VAV1: variants seen among roughly 807,000 people sequenced by gnomAD.
VAV1 encodes the protein proto-oncogene vav.
VAV1 carries 33 observed loss-of-function variants against 128.1 expected under a neutral mutation model. The observed-to-expected ratio is 0.26, with a 90% CI of 0.20 to 0.34. VAV1 has a LOEUF of 0.34. Among genes scored for constraint, VAV1 ranks in the 10% least tolerant of loss-of-function variants. The pLI is 1.00. For missense variants in VAV1, 715 were observed against 1,093.7 expected (o/e 0.65, Z 4.88); for synonymous variants, 394 against 409.8 (o/e 0.96, Z 0.47).
At chr19:6,774,767 T>C (rs1970585878) in intron 1 of VAV1, among the ~76,000 whole-genome samples, 1 of 150,918 alleles carries the variant, frequency 6.6e-6, no homozygotes, top group Non-Finnish European at 1.5e-5. Context: ...TTATCTTTTA[T>C]TTTTTGAGAT....
At chr19:6,853,262 T>C (rs867731756) in intron 25 of VAV1, among the ~76,000 whole-genome samples, 183 bp downstream of exon 25, 2 of 150,826 alleles carry the variant, frequency 1.3e-5, no homozygotes, top group Middle Eastern at 3.4e-3. Context: ...TATAATTTAA[T>C]TAATTAATTT....
At chr19:6,845,376 C>T (rs568553011) in intron 22 of VAV1, among the ~76,000 whole-genome samples, 45 of 152,146 alleles carry the variant, frequency 3.0e-4, no homozygotes, top group African/African-American at 1.1e-3. Flanking sequence ...CAGAGCGAGA[C>T]TCGGTCTCAA....
chr19:6,814,852 C>A (rs573397779), intron 1 of VAV1, among the ~76,000 whole-genome samples: 1 of 151,684 alleles, frequency 6.6e-6, no homozygotes, highest in East Asian at 1.9e-4. Flanking sequence ...TTTTCAACAT[C>A]TCATTATTAA....
rs766111380 is a variant in VAV1, at chr19:6,825,126, G to A, written c.723+5G>A. The A allele has an allele frequency of 3.7e-6, 6 of 1,611,166 alleles. No homozygotes were observed. The African/African-American group carries it at 5.3e-5, about 14-fold the overall frequency. The stretch of plus-strand genomic sequence containing the variant: ...ATCATCTTTATCAACATTGAGGTGA[G>A]CCGGCCGATCCCCAGCCCTCTTGGG... On this transcript the variant is annotated splice_donor_5th_base_variant and intron_variant, in intron 7 of 26. Transcript: ENST00000602142.
At chr19:6,802,450 G>A (rs1381490656) in intron 1 of VAV1, among the ~76,000 whole-genome samples, 2 of 152,128 alleles carry the variant, frequency 1.3e-5, no homozygotes, top group Non-Finnish European at 2.9e-5. Flanking sequence ...CACTGCTGCT[G>A]TCTGATGGAG....
chr19:6,832,346 G>A (rs1267965176), intron 15 of VAV1, 146 bp downstream of exon 15: 5 of 740,014 alleles, frequency 6.8e-6, no homozygotes, highest in South Asian at 5.5e-5. Context: ...AGAGGGACAG[G>A]CCCAAGGCTG....
chr19:6,850,249 A>C (rs1430870462), intron 23 of VAV1, among the ~76,000 whole-genome samples: 2 of 44,542 alleles, frequency 4.5e-5, no homozygotes, highest in African/African-American at 1.0e-4. Context: ...TTTTTTTGTG[A>C]TCTAGTTTGC....
intron 21 of VAV1, among the ~76,000 whole-genome samples, chr19:6,842,821 G>A (rs1283642093): frequency 6.6e-6 from 1 of 152,070 alleles, no homozygotes; most frequent in African/African-American, 2.4e-5. Context: ...GCAGCATAGT[G>A]AGACTCTGTC....
At chr19:6,802,335 TATA>T (rs560835463) in intron 1 of VAV1, among the ~76,000 whole-genome samples, 126 of 151,980 alleles carry the variant, frequency 8.3e-4, no homozygotes, top group African/African-American at 2.9e-3. Context: ...AAATTTAAAG[TATA>T]ATAATAATAA....
chr19:6,821,902 G>T lies in VAV1; in HGVS notation c.449+43G>T, dbSNP rs372604831. 24 of 1,612,266 alleles carry T rather than the reference G, an allele frequency of 1.5e-5. No homozygotes were observed. In the South Asian group the frequency reaches 2.2e-4, roughly 15 times the overall value. On this transcript the variant is annotated intron_variant, in intron 4 of 26. Coordinates refer to ENST00000602142, the MANE Select transcript of VAV1 (RefSeq NM_005428.4). ...TGGCCGCACAGCTCACTGGAGCACCGTCCTGGGGGTGGAGGGTGTGGGGGG... is the reference window on the plus strand; with the variant it reads ...TGGCCGCACAGCTCACTGGAGCACCTTCCTGGGGGTGGAGGGTGTGGGGGG...
chr19:6,823,206 A>G (rs1202276397), intron 6 of VAV1, among the ~76,000 whole-genome samples: 1 of 149,622 alleles, frequency 6.7e-6, no homozygotes, highest in African/African-American at 2.4e-5. Flanking sequence ...CTTTACTACA[A>G]TCTCTGCCTA....
rs746975687 is a variant in VAV1 at position 6,833,744 on chromosome 19, C to T, written c.1731+11C>T. ...GGAACTATGAAGAAGGTAAGACTTT[C>T]CCGTGGTCCTTCCTGTGTACCACAA... On this transcript the variant is annotated intron_variant, in intron 18 of 26. Transcript: ENST00000602142. The T allele has an allele frequency of 1.2e-6, 2 of 1,614,180 alleles. No individual in the cohort carries two copies. Among genetic ancestry groups the T allele is most frequent in the South Asian group, 1.1e-5 (1 of 91,076 alleles).
intron 1 of VAV1, among the ~76,000 whole-genome samples, chr19:6,805,954 C>A (rs1057405814): frequency 6.6e-6 from 1 of 152,064 alleles, no homozygotes; most frequent in East Asian, 1.9e-4. Flanking sequence ...AACTTCCTCC[C>A]GTCTAACAAG....
chr19:6,809,614 G>A (rs1214411996), intron 1 of VAV1, among the ~76,000 whole-genome samples: 2 of 152,136 alleles, frequency 1.3e-5, no homozygotes, highest in African/African-American at 4.8e-5. Context: ...TGAACTTTGT[G>A]TTGGGGATGA....
At chr19:6,827,937 G>C in intron 9 of VAV1, 139 bp from the exon 10 acceptor site, 1 of 676,376 alleles carries the variant, frequency 1.5e-6, no homozygotes, top group Non-Finnish European at 2.6e-6. Flanking sequence ...CAGATATGAT[G>C]CTTTGGCCTC....
chr19:6,821,544 A>C, intron 2 of VAV1, 78 bp from the exon 3 acceptor site: 24 of 1,563,100 alleles, frequency 1.5e-5, no homozygotes, highest in South Asian at 2.2e-5. Flanking sequence ...CGCCTCAGAC[A>C]GAGCCTTGCA....
chr19:6,792,922 T>G (rs1348348524), intron 1 of VAV1, among the ~76,000 whole-genome samples: 1 of 152,052 alleles, frequency 6.6e-6, no homozygotes, highest in African/African-American at 2.4e-5. Context: ...CCACCAAATG[T>G]CAACAGCGCT....
At chr19:6,773,849 C>T (rs1465244218) in intron 1 of VAV1, among the ~76,000 whole-genome samples, 4 of 152,042 alleles carry the variant, frequency 2.6e-5, no homozygotes. Flanking sequence ...TTCCCCAGGG[C>T]TGCTGGGTGG....
rs1487869659 is a variant in VAV1 at position 6,828,237 on chromosome 19, C to T, written c.1023+66C>T. Reference sequence around the variant, plus strand: ...TCTCCTGTGTCTATAAAAGTGGGGACGGGGCTGGCTTCTGGGGGTTGGGTC... The same window carrying T: ...TCTCCTGTGTCTATAAAAGTGGGGATGGGGCTGGCTTCTGGGGGTTGGGTC... On this transcript the variant is annotated intron_variant, in intron 10 of 26. Coordinates refer to ENST00000602142, the MANE Select transcript of VAV1 (RefSeq NM_005428.4). This position sits in a 1 kb window ranked among gnomAD's most constrained non-coding sequence, Gnocchi z 4.5. 1.1e-5 allele frequency: 18 copies of T among 1,586,216 alleles called. No homozygotes were observed. Among genetic ancestry groups the T allele is most frequent in the East Asian group, 9.0e-5 (4 of 44,480 alleles).
Sources: allele counts gnomAD v4.1 joint callset (sites outside exome capture counted in the v4.1 genomes callset), GRCh38; gene constraint gnomAD v4.1.1; non-coding constraint Gnocchi (gnomAD v3.1); transcripts MANE v1.5; gene names NCBI Gene and HGNC (gene_info 2026-07-23, HGNC 2026-07-21).